The following NTM variants were observed in gnomAD, a reference collection of about 807,000 sequenced individuals.
NTM encodes the protein neurotrimin, also known as IgLON family member 2.
NTM carries 13 observed loss-of-function variants against 42.1 expected under a neutral mutation model. That is an observed-to-expected ratio of 0.31 (90% confidence interval 0.20 to 0.49). The LOEUF (loss-of-function observed/expected upper bound fraction) is 0.49. Among genes scored for constraint, NTM ranks in the 20% least tolerant of loss-of-function variants. The probability of loss-of-function intolerance (pLI) is 0.99; values close to 1 mark genes in which losing one functional copy is unlikely to be tolerated. For missense variants in NTM, 373 were observed against 452.8 expected, an observed-to-expected ratio of 0.82 and a Z score of 1.60; for synonymous variants, 187 against 179.2, an observed-to-expected ratio of 1.04 and a Z score of -0.35.
intron 1 of NTM, among the ~76,000 whole-genome samples, chr11:131,401,799 A>T (rs1181765735): frequency 2.9e-5 from 1 of 35,000 alleles, no homozygotes; most frequent in East Asian, 1.1e-3. Flanking sequence ...GGCCACTGGA[A>T]ATATATATAT....
intron 2 of NTM, among the ~76,000 whole-genome samples, chr11:132,056,707 G>A (rs2079733905): frequency 6.6e-6 from 1 of 152,166 alleles, no homozygotes; most frequent in Admixed American, 6.5e-5. Flanking sequence ...TTGCCTGACA[G>A]TTTGTTACAT....
chr11:132,088,755 C>G (rs1199736094), intron 2 of NTM, among the ~76,000 whole-genome samples: 1 of 152,170 alleles, frequency 6.6e-6, no homozygotes, highest in Non-Finnish European at 1.5e-5. Flanking sequence ...GGCAAGCCCC[C>G]TATGCACAAT....
chr11:131,659,040 G>A (rs908304902), intron 1 of NTM, among the ~76,000 whole-genome samples: 2 of 152,214 alleles, frequency 1.3e-5, no homozygotes, highest in African/African-American at 4.8e-5. Flanking sequence ...AGGAAGACAT[G>A]TAGGTATAGA....
intron 2 of NTM, among the ~76,000 whole-genome samples, chr11:132,031,215 G>A (rs2075875895): frequency 6.6e-6 from 1 of 152,158 alleles, no homozygotes; most frequent in East Asian, 1.9e-4. Flanking sequence ...GAAAGAGTGT[G>A]GTTTTTGACT....
At chr11:132,314,414 T>A in intron 6 of NTM, 138 bp from the exon 7 acceptor site, 6 of 912,638 alleles carry the variant, frequency 6.6e-6, no homozygotes, top group Non-Finnish European at 4.8e-6. Context: ...TATGGTGTGG[T>A]TGAGTGGATC....
chr11:131,876,961 C>G (rs1352935599), intron 1 of NTM, among the ~76,000 whole-genome samples: 1 of 151,868 alleles, frequency 6.6e-6, no homozygotes, highest in African/African-American at 2.4e-5. Context: ...TGTGTTCAAG[C>G]AATTCTTGTG....
At chr11:131,565,472 C>T (rs1322125766) in intron 1 of NTM, among the ~76,000 whole-genome samples, 1 of 152,178 alleles carries the variant, frequency 6.6e-6, no homozygotes, top group Non-Finnish European at 1.5e-5. Context: ...CATGCCATTG[C>T]CACACCTTGT....
chr11:131,914,706 C>T (rs149173556), intron 2 of NTM, among the ~76,000 whole-genome samples: 52 of 152,290 alleles, frequency 3.4e-4, no homozygotes, highest in African/African-American at 1.2e-3. Flanking sequence ...TTACAATTTG[C>T]AGTCTCCCAC....
chr11:131,973,774 A>C (rs981361706), intron 2 of NTM, among the ~76,000 whole-genome samples: 1 of 152,126 alleles, frequency 6.6e-6, no homozygotes, highest in Non-Finnish European at 1.5e-5. Context: ...CCGAGATTGC[A>C]CCACTGCACT....
chr11:132,100,243 T>C (rs1253290445), intron 2 of NTM, among the ~76,000 whole-genome samples: 1 of 152,240 alleles, frequency 6.6e-6, no homozygotes, highest in Non-Finnish European at 1.5e-5. Context: ...GGGAGCAATC[T>C]TGGGATCTAA....
At chr11:132,233,659 T>A (rs542494386) in intron 4 of NTM, among the ~76,000 whole-genome samples, 1 of 152,372 alleles carries the variant, frequency 6.6e-6, no homozygotes, top group African/African-American at 2.4e-5. Flanking sequence ...TGTCTTACGA[T>A]GTCAGAGTGG....
intron 1 of NTM, among the ~76,000 whole-genome samples, chr11:131,784,113 T>A (rs932413513): frequency 1.7e-4 from 26 of 152,142 alleles, no homozygotes; most frequent in African/African-American, 5.8e-4. Flanking sequence ...CTAGGATAAA[T>A]AAAAACTTAA....
chr11:132,331,121 C>CTCTT (rs1223641148), intron 8 of NTM, among the ~76,000 whole-genome samples: 1 of 152,236 alleles, frequency 6.6e-6, no homozygotes, highest in Non-Finnish European at 1.5e-5. Flanking sequence ...ACACTCTCTT[C>CTCTT]TCTTTATTCT....
chr11:132,074,593 A>T (rs2058122693), intron 2 of NTM, among the ~76,000 whole-genome samples: 1 of 152,134 alleles, frequency 6.6e-6, no homozygotes, highest in Non-Finnish European at 1.5e-5. Flanking sequence ...TGTTCAACAT[A>T]CATACAGATT....
intron 1 of NTM, among the ~76,000 whole-genome samples, chr11:131,764,693 CATGGGGTAT>C (rs1480954760): frequency 7.2e-5 from 11 of 152,176 alleles, no homozygotes; most frequent in Non-Finnish European, 1.3e-4. Flanking sequence ...TGTGCAATTA[CATGGGGTAT>C]AATTGATGCC....
intron 1 of NTM, among the ~76,000 whole-genome samples, chr11:131,444,636 T>A (rs78581595): frequency 0.011 from 1,677 of 152,272 alleles, 33 homozygotes; most frequent in African/African-American, 0.038. Flanking sequence ...GGTTCTTGAA[T>A]GTGTTTATGA....
intron 1 of NTM, among the ~76,000 whole-genome samples, chr11:131,686,860 G>A (rs549642488): frequency 1.3e-5 from 2 of 152,328 alleles, no homozygotes; most frequent in East Asian, 3.9e-4. Context: ...CTTAGCTGTG[G>A]GCTGGAGGTT....
chr11:131,615,393 C>A (rs2137581935), intron 1 of NTM, among the ~76,000 whole-genome samples: 1 of 152,182 alleles, frequency 6.6e-6, no homozygotes, highest in South Asian at 2.1e-4. Flanking sequence ...TAGACGGAGT[C>A]TCTCTCTTGT....
chr11:131,838,992 G>A (rs946780875), intron 1 of NTM, among the ~76,000 whole-genome samples: 2 of 146,484 alleles, frequency 1.4e-5, no homozygotes, highest in African/African-American at 2.6e-5. Flanking sequence ...ATGGAGTCTC[G>A]CACTGTCACC....
Sources: allele counts gnomAD v4.1 joint callset (sites outside exome capture counted in the v4.1 genomes callset), GRCh38; gene constraint gnomAD v4.1.1; transcripts MANE v1.5; gene names NCBI Gene and HGNC (gene_info 2026-07-23, HGNC 2026-07-21).